Variants in ADAM12 observed in about 807,000 individuals in gnomAD.
The protein encoded by ADAM12 is disintegrin and metalloproteinase domain-containing protein 12.
A neutral mutation model predicts 106.4 loss-of-function variants in ADAM12; 70 were observed. The ratio of observed to expected loss-of-function variants is 0.66; its 90% CI spans 0.54 to 0.80. The LOEUF (loss-of-function observed/expected upper bound fraction) is 0.80, where lower values mean the gene tolerates loss of function less well. Among genes scored for constraint, ADAM12 ranks in the 30% least tolerant of loss-of-function variants. The pLI, the probability that ADAM12 is intolerant of heterozygous loss-of-function variation, is 0.00. For synonymous variants in ADAM12, 420 were observed against 433.5 expected (o/e 0.97, Z 0.39); for missense variants, 1,010 against 1,171.9 (o/e 0.86, Z 2.02).
At chr10:126,135,024 T>C (rs1565085322) in intron 5 of ADAM12, among the ~76,000 whole-genome samples, 1 of 152,250 alleles carries the variant, frequency 6.6e-6, no homozygotes, top group East Asian at 1.9e-4. Context: ...GGAAGCGGGC[T>C]GTGAGTAACA....
rs573755333 is a variant in ADAM12, at chr10:126,021,589, G to A, written c.2530-1764C>T. On this transcript the variant is annotated intron_variant, in intron 21 of 22. Transcript: ENST00000448723. ...ATTTCTACATTAGTTTTCATTAAAAGAAACATTAAATAGAAAAAATTCCCT... is the reference window on the plus strand; with the variant it reads ...ATTTCTACATTAGTTTTCATTAAAAAAAACATTAAATAGAAAAAATTCCCT... 4.6e-5 allele frequency among the ~76,000 whole-genome samples: 7 copies of A among 152,284 alleles called. No homozygotes were observed. The East Asian group carries it at 1.2e-3, about 25-fold the overall frequency.
intron 3 of ADAM12, among the ~76,000 whole-genome samples, chr10:126,192,605 T>A (rs1416305649): frequency 1.3e-5 from 2 of 152,248 alleles, no homozygotes; most frequent in East Asian, 3.8e-4. Context: ...TATTCATCCA[T>A]CGCACATACT....
chr10:126,081,252 G>A (rs1165563137), intron 11 of ADAM12, among the ~76,000 whole-genome samples: 1 of 152,184 alleles, frequency 6.6e-6, no homozygotes, highest in East Asian at 1.9e-4. Context: ...CGAGGAAGAA[G>A]GATGGAACAG....
chr10:126,233,569 A>G (rs906572234), intron 3 of ADAM12, among the ~76,000 whole-genome samples: 1 of 152,144 alleles, frequency 6.6e-6, no homozygotes, highest in African/African-American at 2.4e-5. Flanking sequence ...TGTGGGCTGC[A>G]TGGGAGCTAG....
intron 11 of ADAM12, among the ~76,000 whole-genome samples, chr10:126,087,152 C>T (rs1264544717): frequency 6.6e-6 from 1 of 152,176 alleles, no homozygotes; most frequent in Non-Finnish European, 1.5e-5. Context: ...CAGAATCAGC[C>T]TCCCGAGCTT....
intron 3 of ADAM12, among the ~76,000 whole-genome samples, chr10:126,271,419 A>G (rs1239418362): frequency 6.6e-6 from 1 of 152,210 alleles, no homozygotes; most frequent in East Asian, 1.9e-4. Context: ...AGCAATATGC[A>G]GTCCCTTGAC....
At chr10:126,331,525 A>G (rs1005490257) in intron 1 of ADAM12, among the ~76,000 whole-genome samples, 1 of 152,186 alleles carries the variant, frequency 6.6e-6, no homozygotes, top group South Asian at 2.1e-4. Context: ...GGAAGTCTGC[A>G]GTTATATTCA....
chr10:126,365,651 A>G (rs926945635), intron 1 of ADAM12, among the ~76,000 whole-genome samples: 1 of 152,170 alleles, frequency 6.6e-6, no homozygotes, highest in Middle Eastern at 3.2e-3. Flanking sequence ...AGCCCCTTAT[A>G]AAACCATCAA....
chr10:126,106,592 T>C (rs922270203), intron 8 of ADAM12, among the ~76,000 whole-genome samples: 3 of 151,538 alleles, frequency 2.0e-5, no homozygotes, highest in Non-Finnish European at 4.4e-5. Flanking sequence ...TTCAAGCAAT[T>C]CTCCTGCCTC....
intron 2 of ADAM12, among the ~76,000 whole-genome samples, chr10:126,322,979 T>C (rs1854158464): frequency 6.6e-6 from 1 of 152,082 alleles, no homozygotes; most frequent in African/African-American, 2.4e-5. Context: ...TCATGAGGAT[T>C]GTCAGGCCAA....
intron 3 of ADAM12, among the ~76,000 whole-genome samples, chr10:126,245,348 C>A (rs980853092): frequency 2.0e-5 from 3 of 152,172 alleles, no homozygotes; most frequent in African/African-American, 7.2e-5. Flanking sequence ...GGAACTTAGA[C>A]TAAACCTAGA....
chr10:126,183,477 T>C (rs1957349618), intron 3 of ADAM12, among the ~76,000 whole-genome samples: 2 of 152,116 alleles, frequency 1.3e-5, no homozygotes, highest in African/African-American at 4.8e-5. Flanking sequence ...ACAGGTGAGC[T>C]TCACCTCCTG....
intron 10 of ADAM12, among the ~76,000 whole-genome samples, chr10:126,095,559 A>AAAAG (rs1955542488): frequency 6.7e-6 from 1 of 149,348 alleles, no homozygotes; most frequent in African/African-American, 2.5e-5. Context: ...AAAAAAAAAA[A>AAAAG]GTGATTGGGT....
At chr10:126,251,421 T>C (rs1958744485) in intron 3 of ADAM12, among the ~76,000 whole-genome samples, 2 of 111,756 alleles carry the variant, frequency 1.8e-5, no homozygotes, top group Non-Finnish European at 3.8e-5. Context: ...TGGTCAAAAT[T>C]CTCCAGAGAA....
chr10:126,100,198 G>GCACC (rs1955635166), intron 9 of ADAM12, among the ~76,000 whole-genome samples: 1 of 152,046 alleles, frequency 6.6e-6, no homozygotes, highest in Non-Finnish European at 1.5e-5. Flanking sequence ...GGTTCCTAAC[G>GCACC]GGTGATGCAT....
At chr10:126,148,963 T>G (rs1205694873) in intron 4 of ADAM12, among the ~76,000 whole-genome samples, 2 of 152,108 alleles carry the variant, frequency 1.3e-5, no homozygotes, top group African/African-American at 2.4e-5. Context: ...TCTCACCCAC[T>G]ACTGACCTCA....
intron 4 of ADAM12, among the ~76,000 whole-genome samples, chr10:126,138,325 A>AT (rs964351524): frequency 6.6e-5 from 10 of 151,782 alleles, no homozygotes; most frequent in South Asian, 4.2e-4. Context: ...TGATTTACAG[A>AT]TTTTTTTCCC....
intron 2 of ADAM12, among the ~76,000 whole-genome samples, chr10:126,281,044 C>G (rs2133758476): frequency 6.6e-6 from 1 of 152,280 alleles, no homozygotes; most frequent in Admixed American, 6.5e-5. Context: ...ATCACAGGGA[C>G]TCCTGCATAT....
Position 126,049,584 on chromosome 10 carries a change from A to C in ADAM12, c.1695T>G (p.Ser565Arg), listed in dbSNP as rs747145287. 3.7e-6 allele frequency: 6 copies of C among 1,614,004 alleles called. No individual in the cohort carries two copies. In the African/African-American group the frequency reaches 6.7e-5, roughly 18 times the overall value. ...PYGNCGKVSK[S>R]SFAKCEMRDA... is the part of the protein sequence containing the mutation. ...ACCTCATCTCGCATTTGGCAAAGGAACTCTTCGAGACTTTGCCACAGTTGC... is the reference window on the plus strand; with the variant it reads ...ACCTCATCTCGCATTTGGCAAAGGACCTCTTCGAGACTTTGCCACAGTTGC... The change falls in exon 15 of 23, where the codon AGT becomes AGG. Residue 565 changes from serine (S) to arginine (R), a missense_variant. By Grantham distance (110) the Ser-to-Arg change is moderately radical (BLOSUM62 -1). This residue lies in a region of ADAM12 where 615 missense variants were observed against 708.5 expected (regional missense o/e 0.87). Transcript: ENST00000448723. The surrounding 1 kb of genome is among the most constrained non-coding windows in gnomAD (Gnocchi z 4.4).
Sources: gnomAD v4.1 joint callset for allele counts (sites outside exome capture counted in the v4.1 genomes callset) on GRCh38, gnomAD v4.1.1 for gene constraint, gnomAD v4.1.1 regional missense constraint, Gnocchi (gnomAD v3.1) non-coding constraint, MANE v1.5 for transcripts, NCBI Gene and HGNC (gene_info 2026-07-23, HGNC 2026-07-21) for gene names.